PPP4R4: variants seen among roughly 807,000 people sequenced by gnomAD.
PPP4R4 encodes protein phosphatase 4 regulatory subunit 4, also known as serine/threonine-protein phosphatase 4 regulatory subunit 4.
A neutral mutation model predicts 121.8 loss-of-function variants in PPP4R4; 70 were observed. The ratio of observed to expected loss-of-function variants is 0.57; its 90% CI spans 0.47 to 0.70. PPP4R4 has a LOEUF of 0.70. Among genes scored for constraint, PPP4R4 ranks in the 30% least tolerant of loss-of-function variants. The pLI, the probability that PPP4R4 is intolerant of heterozygous loss-of-function variation, is 0.00. For synonymous variants in PPP4R4, 348 were observed against 355.7 expected (o/e 0.98, Z 0.24); for missense variants, 875 against 1,033.6 (o/e 0.85, Z 2.10).
At chr14:94,211,006 C>T (rs1455410006) in intron 3 of PPP4R4, among the ~76,000 whole-genome samples, 18 of 152,164 alleles carry the variant, frequency 1.2e-4, no homozygotes, top group Admixed American at 1.2e-3. Flanking sequence ...GAAATGCTGA[C>T]AGCATCTCGG....
At chr14:94,272,539 AC>A (rs1192821143) in intron 23 of PPP4R4, among the ~76,000 whole-genome samples, 1 of 152,144 alleles carries the variant, frequency 6.6e-6, no homozygotes, top group Non-Finnish European at 1.5e-5. Context: ...AAAATGCAAA[AC>A]TATAAAATTC....
chr14:94,209,233 C>A (rs993728306), intron 3 of PPP4R4, among the ~76,000 whole-genome samples: 4 of 151,878 alleles, frequency 2.6e-5, no homozygotes, highest in Non-Finnish European at 5.9e-5. Flanking sequence ...AAAACAGACA[C>A]CAGTGTGTGT....
Position 94,209,579 on chromosome 14 carries a change from C to T in PPP4R4, c.294+1013C>T, listed in dbSNP as rs369489750. On this transcript the variant is annotated intron_variant, in intron 3 of 24. Transcript: ENST00000304338. ...ATTTATTTTGGCATTGCATGTGATTCAAAAGTAAATCAAGCTTTTTTATAT... is the reference window on the plus strand; with the variant it reads ...ATTTATTTTGGCATTGCATGTGATTTAAAAGTAAATCAAGCTTTTTTATAT... Among the ~76,000 whole-genome samples, 18 of 152,134 alleles carry T rather than the reference C, an allele frequency of 1.2e-4. No homozygotes were observed. In the East Asian group the frequency reaches 2.3e-3, roughly 20 times the overall value.
At chr14:94,276,668 C>T (rs1386838292) in intron 24 of PPP4R4, among the ~76,000 whole-genome samples, 2 of 152,122 alleles carry the variant, frequency 1.3e-5, no homozygotes, top group African/African-American at 4.8e-5. Flanking sequence ...CCAAACACCT[C>T]CCACCAGGCC....
chr14:94,259,559 A>T (rs1893661798), intron 19 of PPP4R4, among the ~76,000 whole-genome samples, 190 bp downstream of exon 19: 1 of 152,216 alleles, frequency 6.6e-6, no homozygotes, highest in African/African-American at 2.4e-5. Flanking sequence ...GAGCCTTTTA[A>T]AAAAACTACT....
At chr14:94,275,649 G>C in intron 24 of PPP4R4, 128 bp downstream of exon 24, 2 of 1,063,352 alleles carry the variant, frequency 1.9e-6, no homozygotes, top group South Asian at 1.6e-5. Flanking sequence ...ATAAATTAAA[G>C]GGTATTATTG....
At chr14:94,190,418 G>A (rs1031676397) in intron 2 of PPP4R4, among the ~76,000 whole-genome samples, 1 of 152,082 alleles carries the variant, frequency 6.6e-6, no homozygotes, top group Non-Finnish European at 1.5e-5. Flanking sequence ...GACCAGCCTG[G>A]CCAATATAGT....
intron 23 of PPP4R4, among the ~76,000 whole-genome samples, chr14:94,273,264 G>GAT (rs1894440110): frequency 6.6e-6 from 1 of 152,106 alleles, no homozygotes; most frequent in African/African-American, 2.4e-5. Flanking sequence ...AACAAACTGT[G>GAT]ATACATCCAG....
At chr14:94,186,172 G>A (rs1889270728) in intron 2 of PPP4R4, among the ~76,000 whole-genome samples, 1 of 152,066 alleles carries the variant, frequency 6.6e-6, no homozygotes, top group Admixed American at 6.5e-5. Context: ...GTAATTTAAT[G>A]ATTTTTGACA....
chr14:94,252,147 C>T (rs377181220), intron 16 of PPP4R4, among the ~76,000 whole-genome samples: 12 of 152,084 alleles, frequency 7.9e-5, no homozygotes, highest in East Asian at 3.8e-4. Context: ...TAAGCTTCTT[C>T]GGCCATTTGG....
intron 2 of PPP4R4, among the ~76,000 whole-genome samples, chr14:94,179,555 G>A (rs1888864701): frequency 6.6e-6 from 1 of 152,088 alleles, no homozygotes; most frequent in Non-Finnish European, 1.5e-5. Flanking sequence ...CAGTTTCATT[G>A]TGTTTATCCT....
chr14:94,277,545 C>A (rs980660687), intron 24 of PPP4R4, among the ~76,000 whole-genome samples: 1 of 152,138 alleles, frequency 6.6e-6, no homozygotes, highest in African/African-American at 2.4e-5. Flanking sequence ...AAAAGATTGC[C>A]CTGAAATTCT....
At chr14:94,227,314 A>G in intron 3 of PPP4R4, 3 of 1,612,508 alleles carry the variant, frequency 1.9e-6, no homozygotes, top group Non-Finnish European at 1.7e-6. Flanking sequence ...TTATTTATCC[A>G]GAGAGTATGG....
intron 2 of PPP4R4, among the ~76,000 whole-genome samples, chr14:94,181,293 A>C (rs190967257): frequency 6.6e-6 from 1 of 152,036 alleles, no homozygotes; most frequent in Non-Finnish European, 1.5e-5. Flanking sequence ...TGTGTTGTGC[A>C]TGCATGTGTA....
intron 19 of PPP4R4, 95 bp downstream of exon 19, chr14:94,259,464 T>A (rs892959221): frequency 7.4e-7 from 1 of 1,352,896 alleles, no homozygotes; most frequent in Admixed American, 3.4e-5. Context: ...TTTCACCATT[T>A]CACATTACTC....
At chr14:94,198,119 T>C (rs1479335243) in intron 2 of PPP4R4, among the ~76,000 whole-genome samples, 1 of 152,208 alleles carries the variant, frequency 6.6e-6, no homozygotes, top group Non-Finnish European at 1.5e-5. Flanking sequence ...TGTCAAACTT[T>C]TCCAAAATGA....
At chr14:94,201,461 G>T (rs537992575) in intron 2 of PPP4R4, among the ~76,000 whole-genome samples, 2 of 152,116 alleles carry the variant, frequency 1.3e-5, no homozygotes, top group African/African-American at 4.8e-5. Flanking sequence ...TGCTGTCTTA[G>T]GTCTAGTAGT....
rs533970458 is a variant in PPP4R4 at position 94,175,769 on chromosome 14, G to C, written c.118-285G>C. The C allele has an allele frequency of 5.3e-5, 24 of 448,804 alleles. 1 individual carries two copies. In the South Asian group the frequency reaches 8.7e-4, roughly 16 times the overall value. 27.8% of individuals were successfully genotyped at this position (448,804 alleles called of 1,614,324 possible). A position where few individuals can be genotyped will look rare whatever the true frequency, so the allele number is the denominator to read the frequency against. ...TAACATGCGTATGAAATGGATTTCA[G>C]CCAAGGTTCTGAAGCCACGATGTGA... On this transcript the variant is annotated intron_variant, in intron 1 of 24. Coordinates refer to ENST00000304338, the MANE Select transcript of PPP4R4 (RefSeq NM_058237.2).
chr14:94,224,212 G>A (rs990342313), intron 3 of PPP4R4, among the ~76,000 whole-genome samples: 2 of 152,156 alleles, frequency 1.3e-5, no homozygotes, highest in Non-Finnish European at 2.9e-5. Flanking sequence ...AGGAGTTGCC[G>A]AGACAGTGAA....
Sources: gnomAD v4.1 joint callset for allele counts (sites outside exome capture counted in the v4.1 genomes callset) on GRCh38, gnomAD v4.1.1 for gene constraint, MANE v1.5 for transcripts, NCBI Gene and HGNC (gene_info 2026-07-23, HGNC 2026-07-21) for gene names.